The following CSNK2A2 variants were observed in gnomAD, a reference collection of about 807,000 sequenced individuals.
The protein encoded by CSNK2A2 is casein kinase 2 alpha 2, also known as casein kinase II subunit alpha'.
Under a neutral mutation model 54.0 loss-of-function variants are expected in CSNK2A2, and 8 were observed. That is an observed-to-expected ratio of 0.15 (90% CI 0.09 to 0.27). The LOEUF (loss-of-function observed/expected upper bound fraction) is 0.27, where lower values mean the gene tolerates loss of function less well. Among genes scored for constraint, CSNK2A2 ranks in the 10% least tolerant of loss-of-function variants. The pLI, the probability that CSNK2A2 is intolerant of heterozygous loss-of-function variation, is 1.00. For synonymous variants in CSNK2A2, 141 were observed against 153.9 expected, an observed-to-expected ratio of 0.92 and a Z score of 0.62; for missense variants, 242 against 439.4, an observed-to-expected ratio of 0.55 and a Z score of 4.02.
At chr16:58,170,009 G>A (rs973321434) in intron 5 of CSNK2A2, among the ~76,000 whole-genome samples, 11 of 151,958 alleles carry the variant, frequency 7.2e-5, no homozygotes, top group African/African-American at 2.4e-4. Flanking sequence ...TGGCACCATT[G>A]CACTTCAGCC....
intron 5 of CSNK2A2, among the ~76,000 whole-genome samples, chr16:58,169,352 C>A (rs1015739335): frequency 3.9e-5 from 6 of 152,004 alleles, no homozygotes; most frequent in Admixed American, 6.5e-5. Context: ...CTAGCCTGGG[C>A]AACACGGCTA....
At chr16:58,177,772 G>A (rs1961919421) in intron 4 of CSNK2A2, among the ~76,000 whole-genome samples, 1 of 152,164 alleles carries the variant, frequency 6.6e-6, no homozygotes, top group South Asian at 2.1e-4. Flanking sequence ...CATGTGTAGA[G>A]AGAAGAAAAA....
intron 3 of CSNK2A2, 70 bp from the exon 4 acceptor site, chr16:58,184,380 T>C: frequency 8.8e-7 from 1 of 1,139,534 alleles, no homozygotes; most frequent in South Asian, 1.4e-5. Flanking sequence ...TCTGCCAAAA[T>C]GGCCCATCCC....
chr16:58,193,708 A>G (rs1567474338), intron 2 of CSNK2A2, among the ~76,000 whole-genome samples: 1 of 152,232 alleles, frequency 6.6e-6, no homozygotes, highest in Non-Finnish European at 1.5e-5. Flanking sequence ...GAGGTACTAC[A>G]AAGGAAATGA....
intron 4 of CSNK2A2, among the ~76,000 whole-genome samples, chr16:58,177,721 C>G (rs1227071555): frequency 6.6e-6 from 1 of 152,168 alleles, no homozygotes; most frequent in Admixed American, 6.5e-5. Context: ...TGTGCACATT[C>G]CCTGATATAC....
At chr16:58,176,968 G>C (rs1356970706) in intron 4 of CSNK2A2, among the ~76,000 whole-genome samples, 1 of 152,196 alleles carries the variant, frequency 6.6e-6, no homozygotes, top group Non-Finnish European at 1.5e-5. Context: ...AATGGGTACA[G>C]TGGCTGGTGG....
At chr16:58,186,896 G>A (rs1962207741) in intron 2 of CSNK2A2, 40 bp from the exon 3 acceptor site, 2 of 1,466,886 alleles carry the variant, frequency 1.4e-6, no homozygotes, top group African/African-American at 2.8e-5. Flanking sequence ...GACTCCTTTT[G>A]AAGTTAATAA....
chr16:58,162,005 C>A (rs558631906), intron 11 of CSNK2A2: 5 of 151,962 alleles, frequency 3.3e-5, no homozygotes, highest in African/African-American at 9.7e-5. Context: ...TTGGGGGACC[C>A]AAGGGAAAGG....
At chr16:58,187,358 C>A (rs1347183669) in intron 2 of CSNK2A2, among the ~76,000 whole-genome samples, 2 of 152,086 alleles carry the variant, frequency 1.3e-5, no homozygotes, top group East Asian at 3.8e-4. Flanking sequence ...CATTTCCTGT[C>A]ACCACTCCCA....
In CSNK2A2 at chr16:58,165,618, C is replaced by T; in HGVS notation, c.918G>A (p.Leu306=). The change falls in exon 10 of 12, where the codon CTG becomes CTA. Residue 306 remains leucine (L), a synonymous_variant. Transcript: ENST00000262506. ...PEALDLLDKL[L]RYDHQQRLTA... The stretch of plus-strand genomic sequence containing the variant: ...TCAGTCTCTGTTGATGGTCGTATCG[C>T]AGAAGTTTGTCCAGAAGATCTAGGG... 1 of 1,614,076 alleles carries T rather than the reference C, an allele frequency of 6.2e-7. No homozygotes were observed. Among genetic ancestry groups the T allele is most frequent in the Non-Finnish European group, 8.5e-7 (1 of 1,179,990 alleles).
chr16:58,181,675 A>G (rs990175274), intron 4 of CSNK2A2, among the ~76,000 whole-genome samples: 8 of 152,230 alleles, frequency 5.3e-5, no homozygotes, highest in Non-Finnish European at 1.0e-4. Flanking sequence ...ACCAAAATGG[A>G]GCTGTAAGAT....
chr16:58,186,955 T>C, intron 2 of CSNK2A2, 99 bp from the exon 3 acceptor site: 1 of 910,112 alleles, frequency 1.1e-6, no homozygotes, highest in Non-Finnish European at 1.7e-6. Context: ...GTACGCTATC[T>C]TGTACACTCT....
chr16:58,190,121 T>C (rs1460222169), intron 2 of CSNK2A2, among the ~76,000 whole-genome samples: 1 of 152,238 alleles, frequency 6.6e-6, no homozygotes, highest in Non-Finnish European at 1.5e-5. Flanking sequence ...TCACTCTGCA[T>C]GCTAGAAGAA....
intron 2 of CSNK2A2, among the ~76,000 whole-genome samples, chr16:58,193,124 G>C (rs1962356662): frequency 6.6e-6 from 1 of 152,160 alleles, no homozygotes; most frequent in African/African-American, 2.4e-5. Context: ...CAAAAACTTA[G>C]ATAAATACCA....
rs539362515 is a variant in CSNK2A2, at chr16:58,174,268, C to T, written c.429+183G>A. 10 of 512,738 alleles carry T rather than the reference C, an allele frequency of 2.0e-5. No individual in the cohort carries two copies. The Admixed American group carries it at 3.5e-4, about 18-fold the overall frequency. 31.8% of individuals were successfully genotyped at this position (512,738 alleles called of 1,614,324 possible). On this transcript the variant is annotated intron_variant, in intron 5 of 11. Transcript: ENST00000262506. ...CCCCTTGACTTGGCCACTTTTTTCC[C>T]AGTTCCACTGGAAAGTTTCTATGTG...
At chr16:58,196,505 C>A (rs1260723861) in intron 2 of CSNK2A2, among the ~76,000 whole-genome samples, 1 of 152,030 alleles carries the variant, frequency 6.6e-6, no homozygotes, top group Non-Finnish European at 1.5e-5. Context: ...ACCTGTAGTC[C>A]CAGCTACTTG....
intron 5 of CSNK2A2, 171 bp downstream of exon 5, chr16:58,174,280 A>C (rs768966999): frequency 1.9e-6 from 1 of 529,544 alleles, no homozygotes; most frequent in Non-Finnish European, 3.3e-6. Context: ...GTTCCACTGG[A>C]AAGTTTCTAT....
chr16:58,182,374 CAAAAAAAAAAA>C lies in CSNK2A2; in HGVS notation c.369+1875_369+1885del, dbSNP rs71155249. 6.6e-4 allele frequency among the ~76,000 whole-genome samples: 17 copies of C among 25,748 alleles called. No individual in the cohort carries two copies. In the South Asian group the frequency reaches 8.5e-3, roughly 13 times the overall value. 16.9% of individuals were successfully genotyped at this position (25,748 alleles called of 152,430 possible). A position where few individuals can be genotyped will look rare whatever the true frequency, so the allele number is the denominator to read the frequency against. On this transcript the variant is annotated intron_variant, in intron 4 of 11. Coordinates refer to ENST00000262506, the MANE Select transcript of CSNK2A2 (RefSeq NM_001896.4). ...AAAACCCCATTTCTACTAAATATAC[CAAAAAAAAAAA>C]AAAAAAAAAAAAAAAAAAAACTAGC...
intron 11 of CSNK2A2, chr16:58,159,858 A>G (rs960036160): frequency 5.9e-5 from 9 of 152,250 alleles, no homozygotes. Context: ...ATTTACAGCA[A>G]GAAGAGCCAG....
Sources: allele counts gnomAD v4.1 joint callset (sites outside exome capture counted in the v4.1 genomes callset), GRCh38; gene constraint gnomAD v4.1.1; transcripts MANE v1.5; gene names NCBI Gene and HGNC (gene_info 2026-07-23, HGNC 2026-07-21).